Variants in PKM observed in about 807,000 individuals in gnomAD.
The protein encoded by PKM is pyruvate kinase PKM.
In PKM, 18 loss-of-function variants were observed where a neutral mutation model predicts 49.8. The observed-to-expected ratio is 0.36, with a 90% confidence interval of 0.25 to 0.54. The LOEUF is 0.54. PKM is among the 20% of genes least tolerant of loss of function. The pLI is 0.89. For missense variants in PKM, 508 were observed against 713.8 expected (o/e 0.71, Z 3.28); for synonymous variants, 239 against 261.8 (o/e 0.91, Z 0.84).
chr15:72,205,765 A>G (rs568233447), intron 8 of PKM, among the ~76,000 whole-genome samples: 61 of 152,096 alleles, frequency 4.0e-4, no homozygotes, highest in East Asian at 7.7e-4. Flanking sequence ...AAGGAAAACC[A>G]TATCTGGATA....
chr15:72,211,341 ACAGG>A (rs1210595580), intron 3 of PKM, among the ~76,000 whole-genome samples: 1 of 152,136 alleles, frequency 6.6e-6, no homozygotes, highest in Non-Finnish European at 1.5e-5. Context: ...TGCTGGGATT[ACAGG>A]CGTGAGCCAC....
rs8192425 is a variant in PKM, at chr15:72,202,158, T to C, written c.1307+296A>G. On this transcript the variant is annotated intron_variant, in intron 9 of 10. Coordinates refer to ENST00000335181, the MANE Select transcript of PKM (RefSeq NM_002654.6). This position sits in a 1 kb window ranked among gnomAD's most constrained non-coding sequence, Gnocchi z 4.5. The stretch of plus-strand genomic sequence containing the variant: ...TCTTTTACAATTTTAGAGGACTAAA[T>C]TTTCAATATCAAATAACCATTTGTA... The C allele has an allele frequency of 0.034, 15,292 of 448,258 alleles. 1,791 individuals carry two copies. Among genetic ancestry groups the C allele is most frequent in the African/African-American group, 0.26 (13,022 of 50,844 alleles). The allele number at this position is 448,258 out of a possible 1,614,324, so 27.8% of individuals were successfully genotyped here.
intron 8 of PKM, among the ~76,000 whole-genome samples, chr15:72,205,732 CTAGAAAGGGAA>C (rs1465017712): frequency 6.8e-6 from 1 of 147,932 alleles, no homozygotes; most frequent in East Asian, 2.0e-4. Context: ...CTTTCACTGG[CTAGAAAGGGAA>C]TAGAAAGGCT....
At position 72,219,043 on chromosome 15, in the gene PKM, G is replaced by A. The variant is rs1453007171; in HGVS notation, c.55C>T (p.His19Tyr). The A allele has an allele frequency of 1.9e-6, 3 of 1,614,160 alleles. No homozygotes were observed. Among genetic ancestry groups the A allele is most frequent in the Admixed American group, 1.7e-5 (1 of 60,022 alleles). The part of the protein sequence containing the change: ...GTAFIQTQQL[H>Y]AAMADTFLEH... The stretch of plus-strand genomic sequence containing the variant: ...AGGAATGTGTCAGCCATGGCTGCGT[G>A]CAGCTGCTGGGTCTGAATGAAGGCA... The change falls in exon 2 of 11, where the codon CAC becomes TAC. Residue 19 changes from histidine (H) to tyrosine (Y), a missense_variant. His to Tyr is a moderately conservative substitution (Grantham distance 83). Coordinates refer to ENST00000335181, the MANE Select transcript of PKM (RefSeq NM_002654.6).
chr15:72,211,278 A>C (rs573263104), intron 3 of PKM, among the ~76,000 whole-genome samples: 2 of 152,242 alleles, frequency 1.3e-5, no homozygotes, highest in East Asian at 3.9e-4. Flanking sequence ...CATGTTAGCC[A>C]GGATGGTCTC....
intron 6 of PKM, 140 bp downstream of exon 6, chr15:72,208,481 T>C (rs542300761): frequency 1.7e-5 from 15 of 874,796 alleles, no homozygotes; most frequent in Admixed American, 1.4e-4. Flanking sequence ...TCTCCTAAGA[T>C]ATTCTGATTC....
chr15:72,214,753 C>A (rs796844901), intron 3 of PKM, among the ~76,000 whole-genome samples: 1 of 152,138 alleles, frequency 6.6e-6, no homozygotes, highest in Non-Finnish European at 1.5e-5. Flanking sequence ...CAAGATCGTG[C>A]CACTGCACTC....
chr15:72,225,218 G>A (rs1033413033), intron 1 of PKM, among the ~76,000 whole-genome samples: 2 of 151,364 alleles, frequency 1.3e-5, no homozygotes, highest in East Asian at 1.9e-4. Flanking sequence ...TTACAGGCAT[G>A]AGCCACTGTG....
At chr15:72,227,346 T>C (rs1376599572) in intron 1 of PKM, among the ~76,000 whole-genome samples, 1 of 152,244 alleles carries the variant, frequency 6.6e-6, no homozygotes, top group African/African-American at 2.4e-5. Flanking sequence ...TGTGGACTTT[T>C]GGAGTGATTC....
chr15:72,200,799 G>A lies in PKM; in HGVS notation c.1308-144C>T, dbSNP rs932572394. Reference sequence around the variant, plus strand: ...ACATCTGCTCCCTAGGACCCCTCCCGAGGCTCGGGCAGCCCCTCATCCTAT... The same window carrying A: ...ACATCTGCTCCCTAGGACCCCTCCCAAGGCTCGGGCAGCCCCTCATCCTAT... On this transcript the variant is annotated intron_variant, in intron 9 of 10. Coordinates refer to ENST00000335181, the MANE Select transcript of PKM (RefSeq NM_002654.6). This position sits in a 1 kb window ranked among gnomAD's most constrained non-coding sequence, Gnocchi z 4.6. 4.3e-5 allele frequency: 29 copies of A among 677,290 alleles called. No individual in the cohort carries two copies. The highest frequency in any genetic ancestry group is 5.8e-4 in the Middle Eastern group (2 of 3,422). The allele number at this position is 677,290 out of a possible 1,614,324, so 42.0% of individuals were successfully genotyped here.
intron 1 of PKM, 117 bp downstream of exon 1, chr15:72,230,999 T>G (rs890312): frequency 1.6e-6 from 2 of 1,270,810 alleles, no homozygotes; most frequent in Admixed American, 4.6e-5. Flanking sequence ...CCAGACGCCC[T>G]GGATCCTGCG....
At chr15:72,219,320 C>T in intron 1 of PKM, 1 of 540,928 alleles carries the variant, frequency 1.8e-6, no homozygotes. Flanking sequence ...AAGGACCTTA[C>T]TGAACAAGTT....
chr15:72,225,544 TC>T (rs1246364429), intron 1 of PKM, among the ~76,000 whole-genome samples: 3 of 152,186 alleles, frequency 2.0e-5, no homozygotes, highest in Non-Finnish European at 4.4e-5. Context: ...TTCACTGAAG[TC>T]TATGTACAGT....
chr15:72,204,575 A>C (rs2082025740), intron 8 of PKM: 1 of 152,226 alleles, frequency 6.6e-6, no homozygotes, highest in South Asian at 2.1e-4. Context: ...CCCAGGCTTT[A>C]TTGGCCATAT....
chr15:72,228,241 G>A (rs1416393018), intron 1 of PKM, among the ~76,000 whole-genome samples: 3 of 152,158 alleles, frequency 2.0e-5, no homozygotes, highest in African/African-American at 7.2e-5. Flanking sequence ...GGCTGTGCCC[G>A]CTACAAAAGG....
In PKM at chr15:72,200,238, C is replaced by T. The variant is rs368851026; in HGVS notation, c.1489+236G>A. ...CTAGAAGAGAAGAGGAACTGAATTG[C>T]TCAGCCCTACAACTCAAAGGACCCT... On this transcript the variant is annotated intron_variant, in intron 10 of 10. Transcript: ENST00000335181. The surrounding 1 kb of genome is among the most constrained non-coding windows in gnomAD (Gnocchi z 4.6). 6.6e-6 allele frequency among the ~76,000 whole-genome samples: 1 copy of T among 152,206 alleles called. No individual in the cohort carries two copies. The highest frequency in any genetic ancestry group is 1.5e-5 in the Non-Finnish European group (1 of 68,040).
At chr15:72,228,818 C>T (rs2082760756) in intron 1 of PKM, 1 of 328,584 alleles carries the variant, frequency 3.0e-6, no homozygotes, top group Non-Finnish European at 6.1e-6. Flanking sequence ...ACCCTCAAGA[C>T]GGCCAACTGG....
intron 1 of PKM, among the ~76,000 whole-genome samples, chr15:72,229,940 A>G (rs2082802283): frequency 1.3e-5 from 2 of 149,530 alleles, no homozygotes; most frequent in Non-Finnish European, 3.0e-5. Flanking sequence ...GAAAAAAGAA[A>G]GGAAAAGAAA....
intron 8 of PKM, among the ~76,000 whole-genome samples, chr15:72,204,840 T>C (rs1358180533): frequency 6.6e-6 from 1 of 152,208 alleles, no homozygotes; most frequent in Non-Finnish European, 1.5e-5. Context: ...TGTTCCTCCT[T>C]TGAGACCATG....
Sources: allele counts gnomAD v4.1 joint callset (sites outside exome capture counted in the v4.1 genomes callset), GRCh38; gene constraint gnomAD v4.1.1; non-coding constraint Gnocchi (gnomAD v3.1); transcripts MANE v1.5; gene names NCBI Gene and HGNC (gene_info 2026-07-23, HGNC 2026-07-21).